SRBD1: variants seen among roughly 807,000 people sequenced by gnomAD.
SRBD1 encodes S1 RNA binding domain 1.
In SRBD1, 88 loss-of-function variants were observed where a neutral mutation model predicts 115.3. The observed-to-expected ratio is 0.76, with a 90% CI of 0.64 to 0.91. The LOEUF is 0.91. SRBD1 is among the 40% of genes least tolerant of loss of function. The pLI is 0.00. For missense variants in SRBD1, 1,385 were observed against 1,177.4 expected (o/e 1.18, Z -2.58); for synonymous variants, 509 against 407.7 (o/e 1.25, Z -2.99).
chr2:45,579,327 A>C (rs1022836918), intron 7 of SRBD1, among the ~76,000 whole-genome samples: 10 of 152,320 alleles, frequency 6.6e-5, no homozygotes, highest in African/African-American at 2.4e-4. Context: ...GTGGAGCTTC[A>C]CTTTACACTT....
chr2:45,418,441 C>T lies in SRBD1; in HGVS notation c.2257G>A (p.Gly753Arg), dbSNP rs200459688. 19 of 1,613,706 alleles carry T rather than the reference C, an allele frequency of 1.2e-5. No homozygotes were observed. In the African/African-American group the frequency reaches 2.0e-4, roughly 17 times the overall value. Reference sequence around the variant, plus strand: ...TGTTGGAAGGATTTTGGGCCCAGCCCTTTCACTTTCTTCAGCTGTTCTCGG... The same window carrying T: ...TGTTGGAAGGATTTTGGGCCCAGCCTTTTCACTTTCTTCAGCTGTTCTCGG... ...INREQLKKVK[G>R]LGPKSFQQCA... The change falls in exon 18 of 21, where the codon GGG becomes AGG. Residue 753 changes from glycine (G) to arginine (R), a missense_variant. Physicochemically the swap from Gly to Arg is moderately radical, Grantham distance 125 (BLOSUM62 -2). Transcript: ENST00000263736.
rs58288876 is a variant in SRBD1 at position 45,465,000 on chromosome 2, TACACACACAC to T, written c.2049+11983_2049+11992del. 7.0e-3 allele frequency among the ~76,000 whole-genome samples: 845 copies of T among 120,294 alleles called. 7 individuals are homozygous for T. Among genetic ancestry groups the T allele is most frequent in the African/African-American group, 0.019 (634 of 34,032 alleles). 78.9% of individuals were successfully genotyped at this position (120,294 alleles called of 152,430 possible). ...AAAGAAACTGTCATGGTTGAGATTG[TACACACACAC>T]ACACACACACACACACACACACACA... On this transcript the variant is annotated intron_variant, in intron 16 of 20. Transcript: ENST00000263736.
At position 45,482,896 on chromosome 2, in the gene SRBD1, T is replaced by C. The variant is rs760807073; in HGVS notation, c.1966+5344A>G. The stretch of plus-strand genomic sequence containing the variant: ...TAAATCACCTATAGGTTACATTTAA[T>C]ACCTAATACAATGTAAATGCTATGT... On this transcript the variant is annotated intron_variant, in intron 15 of 20. Transcript: ENST00000263736. Among the ~76,000 whole-genome samples the C allele has an allele frequency of 2.6e-5, 4 of 152,284 alleles. No homozygotes were observed. In the East Asian group the frequency reaches 7.7e-4, roughly 29 times the overall value.
chr2:45,559,915 C>T (rs1460034647), intron 10 of SRBD1, among the ~76,000 whole-genome samples: 1 of 151,838 alleles, frequency 6.6e-6, no homozygotes, highest in Non-Finnish European at 1.5e-5. Context: ...ACCCCTGTCT[C>T]TACAAGAAAG....
At chr2:45,461,623 C>T (rs890202696) in intron 16 of SRBD1, among the ~76,000 whole-genome samples, 2 of 152,154 alleles carry the variant, frequency 1.3e-5, no homozygotes, top group African/African-American at 2.4e-5. Flanking sequence ...CCATAACTGA[C>T]GCCGCCCCTA....
At chr2:45,550,633 A>T (rs2117853) in intron 12 of SRBD1, among the ~76,000 whole-genome samples, 62,485 of 151,986 alleles carry the variant, frequency 0.41, 13,346 homozygotes, top group Non-Finnish European at 0.47. Context: ...AGACAATGTG[A>T]CTCATTAAAA....
intron 10 of SRBD1, among the ~76,000 whole-genome samples, chr2:45,554,386 T>C (rs1672406054): frequency 1.3e-5 from 2 of 152,256 alleles, no homozygotes; most frequent in Non-Finnish European, 2.9e-5. Context: ...TATTTTGTTA[T>C]GTTAGTCCAA....
chr2:45,400,257 C>A (rs1667257083), intron 19 of SRBD1, among the ~76,000 whole-genome samples: 1 of 151,964 alleles, frequency 6.6e-6, no homozygotes, highest in African/African-American at 2.4e-5. Flanking sequence ...AGGCTGGGGG[C>A]AGGAAGGGCA....
At chr2:45,582,826 C>G (rs1393369311) in intron 5 of SRBD1, among the ~76,000 whole-genome samples, 1 of 152,144 alleles carries the variant, frequency 6.6e-6, no homozygotes, top group Non-Finnish European at 1.5e-5. Flanking sequence ...GGTATAGGTA[C>G]TAGATATGCT....
At chr2:45,610,173 G>T (rs1239872595) in intron 1 of SRBD1, among the ~76,000 whole-genome samples, 1 of 152,130 alleles carries the variant, frequency 6.6e-6, no homozygotes, top group Non-Finnish European at 1.5e-5. Flanking sequence ...TAATTTGGAG[G>T]TTGCTATGAT....
chr2:45,464,852 C>G (rs1305158838), intron 16 of SRBD1, among the ~76,000 whole-genome samples: 2 of 151,902 alleles, frequency 1.3e-5, no homozygotes, highest in Non-Finnish European at 2.9e-5. Flanking sequence ...AAGTTGTATG[C>G]CAAATACAAC....
At chr2:45,579,351 A>C (rs1287073526) in intron 7 of SRBD1, among the ~76,000 whole-genome samples, 1 of 152,170 alleles carries the variant, frequency 6.6e-6, no homozygotes, top group Admixed American at 6.5e-5. Context: ...GGATGTCAAA[A>C]CTCTTGACAT....
At chr2:45,523,533 G>C (rs1485780448) in intron 14 of SRBD1, among the ~76,000 whole-genome samples, 2 of 151,856 alleles carry the variant, frequency 1.3e-5, no homozygotes, top group South Asian at 2.1e-4. Flanking sequence ...ACTGACCTTA[G>C]AGAATTAAAA....
At chr2:45,501,518 GTCAAGGAAT>G (rs1448469211) in intron 14 of SRBD1, among the ~76,000 whole-genome samples, 5 of 152,194 alleles carry the variant, frequency 3.3e-5, no homozygotes, top group Non-Finnish European at 7.3e-5. Flanking sequence ...AGCGCAAGGA[GTCAAGGAAT>G]TCCCTTTCCT....
intron 7 of SRBD1, among the ~76,000 whole-genome samples, chr2:45,578,646 T>C (rs925893658): frequency 6.6e-6 from 1 of 152,078 alleles, no homozygotes; most frequent in South Asian, 2.1e-4. Context: ...CCTACAGACA[T>C]TTACATGTCC....
intron 6 of SRBD1, 90 bp from the exon 7 acceptor site, chr2:45,580,103 G>T: frequency 9.1e-7 from 1 of 1,097,950 alleles, no homozygotes; most frequent in Non-Finnish European, 1.2e-6. Flanking sequence ...TGCTGAGAAT[G>T]CTAAAGAAAT....
chr2:45,442,701 T>G (rs1334358934), intron 16 of SRBD1, among the ~76,000 whole-genome samples: 4 of 152,210 alleles, frequency 2.6e-5, no homozygotes, highest in African/African-American at 9.6e-5. Context: ...AATATTCTAT[T>G]GGAGTAAATC....
In SRBD1 at chr2:45,473,056, T is replaced by C. The variant is rs963199023; in HGVS notation, c.2049+3937A>G. Among the ~76,000 whole-genome samples, 3 of 151,962 alleles carry C rather than the reference T, an allele frequency of 2.0e-5. No homozygotes were observed. In the South Asian group the frequency reaches 6.2e-4, roughly 32 times the overall value. The stretch of plus-strand genomic sequence containing the variant: ...TCTATTAATAGGGGAAGTTAGCCCA[T>C]TCACTTTTAAATACCTATTACTTAT... On this transcript the variant is annotated intron_variant, in intron 16 of 20. Coordinates refer to ENST00000263736, the MANE Select transcript of SRBD1 (RefSeq NM_018079.5).
intron 14 of SRBD1, among the ~76,000 whole-genome samples, chr2:45,533,990 T>C (rs17033820): frequency 0.034 from 5,140 of 151,890 alleles, 295 homozygotes; most frequent in African/African-American, 0.12. Flanking sequence ...TCTAAGTCAA[T>C]AAACAAAGAT....
Sources: gnomAD v4.1 joint callset for allele counts (sites outside exome capture counted in the v4.1 genomes callset) on GRCh38, gnomAD v4.1.1 for gene constraint, MANE v1.5 for transcripts, NCBI Gene and HGNC (gene_info 2026-07-23, HGNC 2026-07-21) for gene names.